The following SLC35F1 variants were observed in gnomAD, a reference collection of about 807,000 sequenced individuals.
The protein encoded by SLC35F1 is chromosome 6 open reading frame 169.
A neutral mutation model predicts 48.7 loss-of-function variants in SLC35F1; 14 were observed. That is an observed-to-expected ratio of 0.29 (90% CI 0.19 to 0.45). The LOEUF (loss-of-function observed/expected upper bound fraction) is 0.45, where lower values mean the gene tolerates loss of function less well. Ranked by LOEUF, SLC35F1 falls within the 20% of genes least tolerant of loss-of-function variation. The pLI, the probability that SLC35F1 is intolerant of heterozygous loss-of-function variation, is 1.00. For synonymous variants in SLC35F1, 190 were observed against 202.2 expected, an observed-to-expected ratio of 0.94 and a Z score of 0.51; for missense variants, 404 against 500.0, an observed-to-expected ratio of 0.81 and a Z score of 1.83.
At chr6:118,285,100 A>G (rs1776033376) in intron 6 of SLC35F1, 84 bp from the exon 7 acceptor site, 1 of 1,458,478 alleles carries the variant, frequency 6.9e-7, no homozygotes, top group African/African-American at 1.4e-5. Flanking sequence ...AGTGGTGTGC[A>G]CTCTTCCCCT....
At chr6:118,119,527 G>A (rs754213413) in intron 1 of SLC35F1, among the ~76,000 whole-genome samples, 1 of 121,440 alleles carries the variant, frequency 8.2e-6, no homozygotes, top group African/African-American at 3.2e-5. Flanking sequence ...TTTTTGAGAC[G>A]GAGTTTCACT....
At chr6:118,294,522 G>T (rs1776160372) in intron 7 of SLC35F1, among the ~76,000 whole-genome samples, 1 of 152,172 alleles carries the variant, frequency 6.6e-6, no homozygotes. Flanking sequence ...CTATTAACAT[G>T]TCAAGGCTTA....
chr6:118,086,820 G>A (rs958340106), intron 1 of SLC35F1, among the ~76,000 whole-genome samples: 4 of 152,056 alleles, frequency 2.6e-5, no homozygotes, highest in Non-Finnish European at 5.9e-5. Flanking sequence ...TAAAATACAG[G>A]CTCACTGGGA....
chr6:117,999,045 C>A, intron 1 of SLC35F1: 2 of 1,473,730 alleles, frequency 1.4e-6, no homozygotes, highest in Non-Finnish European at 1.9e-6. Context: ...ATCAAGAAAC[C>A]CCGATCACAA....
intron 1 of SLC35F1, among the ~76,000 whole-genome samples, chr6:117,991,556 G>T (rs565871205): frequency 1.7e-4 from 26 of 152,106 alleles, no homozygotes; most frequent in Non-Finnish European, 2.9e-4. Flanking sequence ...ATTTTCAATG[G>T]CTGAACCATG....
intron 1 of SLC35F1, among the ~76,000 whole-genome samples, chr6:117,943,599 A>G (rs1393520022): frequency 6.6e-6 from 1 of 152,212 alleles, no homozygotes; most frequent in Non-Finnish European, 1.5e-5. Flanking sequence ...TTATCTTTCA[A>G]TGGAAATTTA....
intron 1 of SLC35F1, among the ~76,000 whole-genome samples, chr6:118,041,945 T>TAAA (rs35415493): frequency 6.8e-6 from 1 of 146,802 alleles, no homozygotes; most frequent in African/African-American, 2.5e-5. Context: ...CCATCTTCTT[T>TAAA]AAAAAAAAAA....
intron 1 of SLC35F1, among the ~76,000 whole-genome samples, chr6:118,003,278 A>G (rs1182256894): frequency 1.3e-5 from 2 of 152,230 alleles, no homozygotes; most frequent in Non-Finnish European, 2.9e-5. Flanking sequence ...AGAGGTTAAG[A>G]TAACTCTTCC....
chr6:118,214,633 C>G (rs1405201482), intron 2 of SLC35F1, among the ~76,000 whole-genome samples: 1 of 152,122 alleles, frequency 6.6e-6, no homozygotes, highest in Non-Finnish European at 1.5e-5. Context: ...GTCAAGCACA[C>G]GTAGAAACTT....
At chr6:118,227,674 AAT>A (rs1775236072) in intron 2 of SLC35F1, among the ~76,000 whole-genome samples, 1 of 840 alleles carries the variant, frequency 1.2e-3, no homozygotes, top group African/African-American at 3.2e-3. Flanking sequence ...TACATTGAGT[AAT>A]TAATTTGTCT....
intron 7 of SLC35F1, among the ~76,000 whole-genome samples, chr6:118,287,458 G>T (rs1776064834): frequency 1.3e-5 from 2 of 152,236 alleles, no homozygotes; most frequent in Non-Finnish European, 2.9e-5. Flanking sequence ...GAGGGCTGCA[G>T]TCACTGCTTG....
chr6:118,156,627 C>T (rs942490997), intron 2 of SLC35F1, among the ~76,000 whole-genome samples: 2 of 151,048 alleles, frequency 1.3e-5, no homozygotes, highest in African/African-American at 4.9e-5. Context: ...TGTATCAAAC[C>T]TGCACGTTGT....
rs1045720785 is a variant in SLC35F1 at position 118,212,136 on chromosome 6, G to A, written c.350-23373G>A. ...AGAGCTGGGCATGTCATTCAAGCTA[G>A]GCCAAAGTTTCTTTTCTCGCATGTC... On this transcript the variant is annotated intron_variant, in intron 2 of 7. Transcript: ENST00000360388. Among the ~76,000 whole-genome samples, 8 of 152,114 alleles carry A rather than the reference G, an allele frequency of 5.3e-5. 1 individual carries two copies. Among genetic ancestry groups the A allele is most frequent in the Admixed American group, 5.2e-4 (8 of 15,260 alleles).
At chr6:118,208,075 A>T (rs1008696948) in intron 2 of SLC35F1, among the ~76,000 whole-genome samples, 5 of 149,726 alleles carry the variant, frequency 3.3e-5, no homozygotes, top group South Asian at 2.1e-4. Flanking sequence ...TCTCTCTCTC[A>T]CACACACACA....
intron 1 of SLC35F1, among the ~76,000 whole-genome samples, chr6:118,138,135 C>G (rs1444638487): frequency 6.6e-6 from 1 of 151,926 alleles, no homozygotes; most frequent in Non-Finnish European, 1.5e-5. Flanking sequence ...ATAGCAAGAT[C>G]CTGTCTCTAC....
chr6:118,146,414 C>A (rs921680141), intron 1 of SLC35F1, among the ~76,000 whole-genome samples: 1 of 152,092 alleles, frequency 6.6e-6, no homozygotes, highest in South Asian at 2.1e-4. Context: ...ACTGACCAGC[C>A]AAGTGATTCC....
intron 1 of SLC35F1, among the ~76,000 whole-genome samples, chr6:118,151,537 T>C (rs1774057271): frequency 2.0e-5 from 3 of 152,102 alleles, no homozygotes; most frequent in East Asian, 1.9e-4. Context: ...TTATAAGAGG[T>C]GGGGTCTTGC....
intron 7 of SLC35F1, among the ~76,000 whole-genome samples, chr6:118,295,364 A>G (rs551766596): frequency 6.6e-6 from 1 of 152,346 alleles, no homozygotes; most frequent in Admixed American, 6.5e-5. Context: ...ACCAAAAATC[A>G]CCAGGCAGAT....
chr6:118,202,521 G>A (rs1023049303), intron 2 of SLC35F1, among the ~76,000 whole-genome samples: 2 of 152,052 alleles, frequency 1.3e-5, no homozygotes, highest in African/African-American at 2.4e-5. Flanking sequence ...GAAAATGGCT[G>A]CACTGTTTTG....
Sources: gnomAD v4.1 joint callset for allele counts (sites outside exome capture counted in the v4.1 genomes callset) on GRCh38, gnomAD v4.1.1 for gene constraint, MANE v1.5 for transcripts, NCBI Gene and HGNC (gene_info 2026-07-23, HGNC 2026-07-21) for gene names.